The following SCPPPQ1 variants were observed in gnomAD, a reference collection of about 807,000 sequenced individuals.
SCPPPQ1 encodes secretory calcium-binding phosphoprotein proline- and glutamine-rich 1.
the SCPPPQ1 span, among the ~76,000 whole-genome samples, chr4:87,464,294 C>T: frequency 0.44 from 66,948 of 151,604 alleles, 15,260 homozygotes; most frequent in African/African-American, 0.56. Flanking sequence ...GCTTGGTAAA[C>T]GAGAGCATGC....
At chr4:87,464,818 A>G in the SCPPPQ1 span, among the ~76,000 whole-genome samples, 2 of 152,200 alleles carry the variant, frequency 1.3e-5, no homozygotes, top group East Asian at 3.8e-4. Flanking sequence ...TGGGTGACAG[A>G]GCGAGACTCA....
At chr4:87,467,116 T>A in the SCPPPQ1 span, among the ~76,000 whole-genome samples, 1 of 152,186 alleles carries the variant, frequency 6.6e-6, no homozygotes, top group Non-Finnish European at 1.5e-5. Flanking sequence ...TTCTCTGAAG[T>A]CTTTGATCCA....
At chr4:87,462,824 C>G in the SCPPPQ1 span, among the ~76,000 whole-genome samples, 2 of 151,834 alleles carry the variant, frequency 1.3e-5, no homozygotes, top group South Asian at 4.2e-4. Flanking sequence ...GTGGTGAAAC[C>G]CCGTCTCTAC....
the SCPPPQ1 span, among the ~76,000 whole-genome samples, chr4:87,468,332 G>C: frequency 2.0e-5 from 3 of 152,264 alleles, no homozygotes; most frequent in Non-Finnish European, 4.4e-5. Context: ...TGGTGTTCTT[G>C]ATTTAGTTCT....
the SCPPPQ1 span, among the ~76,000 whole-genome samples, chr4:87,469,928 G>T: frequency 2.7e-5 from 4 of 145,936 alleles, no homozygotes; most frequent in Admixed American, 1.4e-4. Context: ...AGTTGCGTTT[G>T]TGATCTCTAC....
At chr4:87,466,000 T>C in the SCPPPQ1 span, among the ~76,000 whole-genome samples, 1 of 152,186 alleles carries the variant, frequency 6.6e-6, no homozygotes, top group Non-Finnish European at 1.5e-5. Flanking sequence ...TTCTTTTAAT[T>C]GTCATATAGA....
chr4:87,464,492 T>C, the SCPPPQ1 span, among the ~76,000 whole-genome samples: 1 of 152,144 alleles, frequency 6.6e-6, no homozygotes, highest in African/African-American at 2.4e-5. Flanking sequence ...AAAAAGACTA[T>C]TTTGGGATCA....
chr4:87,462,595 C>T, the SCPPPQ1 span, among the ~76,000 whole-genome samples: 1 of 152,084 alleles, frequency 6.6e-6, no homozygotes, highest in African/African-American at 2.4e-5. Flanking sequence ...CAAGTTAATG[C>T]TTTTTGTTAA....
chr4:87,469,947 CTTTTTTTTTTT>C, the SCPPPQ1 span, among the ~76,000 whole-genome samples: 6 of 114,960 alleles, frequency 5.2e-5, no homozygotes, highest in African/African-American at 3.1e-5. Context: ...ACACACAAAT[CTTTTTTTTTTT>C]TTTTTTTTTT....
the SCPPPQ1 span, among the ~76,000 whole-genome samples, chr4:87,467,853 ATGGTGGTACTTG>A: frequency 6.6e-6 from 1 of 152,116 alleles, no homozygotes; most frequent in East Asian, 1.9e-4. Flanking sequence ...TGAGGGAAAA[ATGGTGGTACTTG>A]TGGTGGGTAA....
At chr4:87,467,666 A>T in the SCPPPQ1 span, among the ~76,000 whole-genome samples, 1 of 152,218 alleles carries the variant, frequency 6.6e-6, no homozygotes, top group African/African-American at 2.4e-5. Flanking sequence ...ACTATAAGCT[A>T]TATGGGAGAG....
At chr4:87,461,399 A>G in the SCPPPQ1 span, among the ~76,000 whole-genome samples, 28 of 152,352 alleles carry the variant, frequency 1.8e-4, no homozygotes, top group African/African-American at 4.1e-4. Context: ...TATGTGTAAC[A>G]TAAGTAGTAC....
the SCPPPQ1 span, among the ~76,000 whole-genome samples, chr4:87,462,668 T>A: frequency 1.3e-5 from 2 of 152,158 alleles, no homozygotes; most frequent in African/African-American, 4.8e-5. Flanking sequence ...AGTAGGCTTT[T>A]CTCATTATTT....
chr4:87,461,121 CATTT>C, the SCPPPQ1 span: 2 of 152,434 alleles, frequency 1.3e-5, no homozygotes, highest in Non-Finnish European at 1.5e-5. Flanking sequence ...ATTTTAGAGA[CATTT>C]AGTAAAATAA....
At chr4:87,469,161 TG>T in the SCPPPQ1 span, among the ~76,000 whole-genome samples, 1 of 152,170 alleles carries the variant, frequency 6.6e-6, no homozygotes, top group East Asian at 1.9e-4. Flanking sequence ...TGAGATGGTT[TG>T]GGGCAAGGGC....
At chr4:87,464,042 C>A in the SCPPPQ1 span, among the ~76,000 whole-genome samples, 2 of 152,130 alleles carry the variant, frequency 1.3e-5, no homozygotes, top group Non-Finnish European at 1.5e-5. Flanking sequence ...ATCTTAGGCA[C>A]GAACAATGCC....
chr4:87,469,477 C>G, the SCPPPQ1 span, among the ~76,000 whole-genome samples: 9 of 152,102 alleles, frequency 5.9e-5, no homozygotes, highest in Non-Finnish European at 1.2e-4. Flanking sequence ...CTATGACTTT[C>G]CTGGGTTCCG....
At chr4:87,465,047 A>C in the SCPPPQ1 span, among the ~76,000 whole-genome samples, 1 of 152,162 alleles carries the variant, frequency 6.6e-6, no homozygotes, top group Non-Finnish European at 1.5e-5. Flanking sequence ...GATATATTAC[A>C]TTTCAATAAG....
the SCPPPQ1 span, among the ~76,000 whole-genome samples, chr4:87,461,516 A>T: frequency 6.6e-6 from 1 of 152,206 alleles, no homozygotes; most frequent in Non-Finnish European, 1.5e-5. Context: ...TGGCCCAAAG[A>T]TAGTTTATTT....
Sources: gnomAD v4.1 joint callset for allele counts (sites outside exome capture counted in the v4.1 genomes callset) on GRCh38, gnomAD v4.1.1 for gene constraint, MANE v1.5 for transcripts, NCBI Gene and HGNC (gene_info 2026-07-23, HGNC 2026-07-21) for gene names.